The following AKAP6 variants were observed in gnomAD, a reference collection of about 807,000 sequenced individuals.
AKAP6 encodes A-kinase anchor protein 6.
In AKAP6, 58 loss-of-function variants were observed where a neutral mutation model predicts 188.5. The ratio of observed to expected loss-of-function variants is 0.31; its 90% CI spans 0.25 to 0.38. AKAP6 has a LOEUF of 0.38. Ranked by LOEUF, AKAP6 falls within the 10% of genes least tolerant of loss-of-function variation. The pLI is 1.00. For missense variants in AKAP6, 2,710 were observed against 2,740.0 expected, an observed-to-expected ratio of 0.99 and a Z score of 0.24; for synonymous variants, 989 against 998.6, an observed-to-expected ratio of 0.99 and a Z score of 0.18.
At chr14:32,704,178 A>C (rs970662) in intron 9 of AKAP6, among the ~76,000 whole-genome samples, 98,924 of 151,918 alleles carry the variant, frequency 0.65, 33,589 homozygotes, top group Middle Eastern at 0.81. Context: ...TACAGATAGC[A>C]CTTAAATTAG....
At chr14:32,523,200 G>A (rs569496006) in intron 2 of AKAP6, among the ~76,000 whole-genome samples, 3 of 151,482 alleles carry the variant, frequency 2.0e-5, no homozygotes, top group African/African-American at 4.8e-5. Context: ...GGGGGGGAGG[G>A]ATAACATTAG....
At chr14:32,449,538 A>AG (rs1890869171) in intron 2 of AKAP6, among the ~76,000 whole-genome samples, 1 of 141,396 alleles carries the variant, frequency 7.1e-6, no homozygotes, top group East Asian at 2.1e-4. Flanking sequence ...AAAAAAAAAA[A>AG]AAAGAAAAAG....
chr14:32,689,774 A>G (rs1676075517), intron 8 of AKAP6, among the ~76,000 whole-genome samples: 1 of 152,118 alleles, frequency 6.6e-6, no homozygotes, highest in Admixed American at 6.5e-5. Flanking sequence ...CTGATCTATT[A>G]TTAGTATTTT....
chr14:32,520,969 G>A (rs1881799212), intron 2 of AKAP6, among the ~76,000 whole-genome samples: 1 of 152,256 alleles, frequency 6.6e-6, no homozygotes, highest in East Asian at 1.9e-4. Context: ...GAATCCAGCA[G>A]CACATCAAAA....
At chr14:32,759,358 G>A (rs950554016) in intron 11 of AKAP6, among the ~76,000 whole-genome samples, 5 of 151,866 alleles carry the variant, frequency 3.3e-5, no homozygotes, top group African/African-American at 2.4e-5. Context: ...CTTTTTCCTC[G>A]TGCCCTCTGC....
chr14:32,735,358 G>A (rs1182072329), intron 10 of AKAP6, among the ~76,000 whole-genome samples: 2 of 151,972 alleles, frequency 1.3e-5, no homozygotes, highest in Admixed American at 1.3e-4. Flanking sequence ...CGAACTATGG[G>A]CTAAATCTCC....
rs12893471 is a variant in AKAP6 at position 32,510,462 on chromosome 14, G to A, written c.325-25092G>A. Among the ~76,000 whole-genome samples the A allele has an allele frequency of 5.6e-4, 38 of 67,428 alleles. 1 individual carries two copies. Among genetic ancestry groups the A allele is most frequent in the Admixed American group, 2.0e-3 (14 of 7,026 alleles). 44.2% of individuals were successfully genotyped at this position (67,428 alleles called of 152,430 possible). A position where few individuals can be genotyped will look rare whatever the true frequency, so the allele number is the denominator to read the frequency against. On this transcript the variant is annotated intron_variant, in intron 2 of 13. Transcript: ENST00000280979. ...TGTATATATATATACATATATATGT[G>A]TATATATATATATACATATATATAT...
intron 2 of AKAP6, among the ~76,000 whole-genome samples, chr14:32,502,102 T>C (rs746354931): frequency 1.9e-4 from 29 of 152,152 alleles, no homozygotes; most frequent in Non-Finnish European, 3.5e-4. Context: ...TTTCAATCAA[T>C]GTATAAATTG....
At chr14:32,583,918 C>G (rs985099488) in intron 5 of AKAP6, among the ~76,000 whole-genome samples, 4 of 152,248 alleles carry the variant, frequency 2.6e-5, no homozygotes, top group Non-Finnish European at 5.9e-5. Flanking sequence ...TCCCTGACCC[C>G]TCACGATTCC....
At position 32,738,858 on chromosome 14, in the gene AKAP6, A is replaced by C. The variant is rs369968488; in HGVS notation, c.3372+2976A>C. On this transcript the variant is annotated intron_variant, in intron 11 of 13. Coordinates refer to ENST00000280979, the MANE Select transcript of AKAP6 (RefSeq NM_004274.5). Reference sequence around the variant, plus strand: ...AGCTCTGCCATCATAGTGCAAAAGCAGCCACAGACAATATCTAAATGAATA... The same window carrying C: ...AGCTCTGCCATCATAGTGCAAAAGCCGCCACAGACAATATCTAAATGAATA... 2.8e-4 allele frequency among the ~76,000 whole-genome samples: 42 copies of C among 152,334 alleles called. No individual in the cohort carries two copies. The South Asian group carries it at 7.7e-3, about 28-fold the overall frequency.
chr14:32,613,246 T>C (rs1886427359), intron 7 of AKAP6, among the ~76,000 whole-genome samples: 1 of 152,212 alleles, frequency 6.6e-6, no homozygotes, highest in African/African-American at 2.4e-5. Flanking sequence ...CTCGTGTATA[T>C]ACTCAAGCTA....
intron 2 of AKAP6, among the ~76,000 whole-genome samples, chr14:32,483,430 T>G (rs1879470405): frequency 6.6e-6 from 1 of 152,104 alleles, no homozygotes; most frequent in Admixed American, 6.6e-5. Context: ...AACAGTTTTA[T>G]AGTGAAGTTT....
chr14:32,828,529 T>TCACACACACA (rs55957852), intron 13 of AKAP6, among the ~76,000 whole-genome samples: 1 of 75,954 alleles, frequency 1.3e-5, no homozygotes, highest in African/African-American at 4.8e-5. Flanking sequence ...TCTCTCTCTC[T>TCACACACACA]CACACACACA....
intron 11 of AKAP6, among the ~76,000 whole-genome samples, chr14:32,757,438 A>T (rs1489877455): frequency 6.6e-6 from 1 of 152,162 alleles, no homozygotes; most frequent in Non-Finnish European, 1.5e-5. Context: ...TGAAAAGTCC[A>T]TCTGTCCCTG....
intron 12 of AKAP6, among the ~76,000 whole-genome samples, chr14:32,794,425 T>C (rs2033701450): frequency 6.6e-6 from 1 of 152,142 alleles, no homozygotes; most frequent in Non-Finnish European, 1.5e-5. Flanking sequence ...CAATGCATGG[T>C]GGTGCCCATC....
chr14:32,652,975 G>A (rs1402363844), intron 7 of AKAP6, among the ~76,000 whole-genome samples: 1 of 152,068 alleles, frequency 6.6e-6, no homozygotes, highest in African/African-American at 2.4e-5. Context: ...GTCACTTGAG[G>A]CCAAGAGGTC....
chr14:32,673,061 C>T (rs1181864055), intron 7 of AKAP6, among the ~76,000 whole-genome samples: 1 of 152,178 alleles, frequency 6.6e-6, no homozygotes, highest in Admixed American at 6.5e-5. Context: ...GCTCCAGCCA[C>T]CATTCTCTGA....
chr14:32,481,939 G>T (rs1566530019), intron 2 of AKAP6, among the ~76,000 whole-genome samples: 2 of 151,914 alleles, frequency 1.3e-5, no homozygotes, highest in African/African-American at 2.4e-5. Context: ...CATACTTAAG[G>T]ACTCATTGTT....
intron 12 of AKAP6, among the ~76,000 whole-genome samples, chr14:32,815,440 A>T (rs183186817): frequency 9.8e-4 from 149 of 152,246 alleles, no homozygotes; most frequent in Non-Finnish European, 2.0e-3. Context: ...TGCCTTTTTT[A>T]AAAAAAGGTT....
Sources: gnomAD v4.1 joint callset for allele counts (sites outside exome capture counted in the v4.1 genomes callset) on GRCh38, gnomAD v4.1.1 for gene constraint, MANE v1.5 for transcripts, NCBI Gene and HGNC (gene_info 2026-07-23, HGNC 2026-07-21) for gene names.